MAP3K8: variants seen among roughly 807,000 people sequenced by gnomAD.
The protein encoded by MAP3K8 is Ewing sarcoma transformant.
A neutral mutation model predicts 45.8 loss-of-function variants in MAP3K8; 22 were observed. The ratio of observed to expected loss-of-function variants is 0.48; its 90% CI spans 0.34 to 0.69. The LOEUF is 0.69. Among genes scored for constraint, MAP3K8 ranks in the 30% least tolerant of loss-of-function variants. The pLI is 0.01. For synonymous variants in MAP3K8, 223 were observed against 214.3 expected (o/e 1.04, Z -0.36); for missense variants, 419 against 585.0 (o/e 0.72, Z 2.93).
intron 6 of MAP3K8, among the ~76,000 whole-genome samples, chr10:30,455,589 G>T (rs1836705557): frequency 6.6e-6 from 1 of 152,166 alleles, no homozygotes; most frequent in Non-Finnish European, 1.5e-5. Context: ...TAACAAATCA[G>T]AATTACTTTT....
intron 1 of MAP3K8, among the ~76,000 whole-genome samples, 174 bp from the exon 2 acceptor site, chr10:30,437,002 C>G (rs1835934218): frequency 6.6e-6 from 1 of 151,806 alleles, no homozygotes; most frequent in South Asian, 2.1e-4. Context: ...TAAGAAGTTG[C>G]TCTCCTAACT....
In MAP3K8 at chr10:30,461,060, T is replaced by G; in HGVS notation, c.*224T>G. Reference sequence around the variant, plus strand: ...GTTCTCATTTCTCAGGTGACGTGATTCTAAGGCAGGAATTTGAGAGTTCAC... The same window carrying G: ...GTTCTCATTTCTCAGGTGACGTGATGCTAAGGCAGGAATTTGAGAGTTCAC... On this transcript the variant is annotated 3_prime_UTR_variant, in exon 9 of 9. Transcript: ENST00000263056. 1 of 437,366 alleles carries G rather than the reference T, an allele frequency of 2.3e-6. No homozygotes were observed. The allele number at this position is 437,366 out of a possible 1,614,324, so 27.1% of individuals were successfully genotyped here.
intron 6 of MAP3K8, among the ~76,000 whole-genome samples, chr10:30,454,459 T>C (rs1006559796): frequency 2.2e-4 from 33 of 151,950 alleles, no homozygotes; most frequent in Admixed American, 3.9e-4. Context: ...TCCCAGCTAC[T>C]CAAGAGACTG....
chr10:30,443,354 G>C lies in MAP3K8; in HGVS notation c.336+4080G>C, dbSNP rs1250917727. On this transcript the variant is annotated intron_variant, in intron 3 of 8. Coordinates refer to ENST00000263056, the MANE Select transcript of MAP3K8 (RefSeq NM_005204.4). Reference sequence around the variant, plus strand: ...GAGTGTTAAATGAACTCGAGGCATTGTGGGAGTTACTGTTGTATACAATTG... The same window carrying C: ...GAGTGTTAAATGAACTCGAGGCATTCTGGGAGTTACTGTTGTATACAATTG... Among the ~76,000 whole-genome samples the C allele has an allele frequency of 3.3e-5, 5 of 152,232 alleles. No homozygotes were observed. The East Asian group carries it at 9.6e-4, about 29-fold the overall frequency.
rs1323121748 is a variant in MAP3K8 at position 30,459,388 on chromosome 10, C to A, written c.1160C>A (p.Ala387Asp). Residue 387 changes from alanine to aspartate, a missense_variant, in exon 8 of 9, where the codon GCC becomes GAC. By Grantham distance (126) the Ala-to-Asp change is moderately radical. This residue lies in a region of MAP3K8 where 108 missense variants were observed against 124.2 expected (regional missense o/e 0.87). Transcript: ENST00000263056. ...GCCGCAGACCTACTAAAACATGAGG[C>A]CCTGAACCCGCCCAGAGAGGATCAG... ...PRAADLLKHE[A>D]LNPPREDQPR... The A allele has an allele frequency of 6.2e-7, 1 of 1,614,194 alleles. No homozygotes were observed. Among genetic ancestry groups the A allele is most frequent in the Non-Finnish European group, 8.5e-7 (1 of 1,180,044 alleles).
At chr10:30,445,144 C>T (rs1296541972) in intron 3 of MAP3K8, among the ~76,000 whole-genome samples, 1 of 152,176 alleles carries the variant, frequency 6.6e-6, no homozygotes, top group Non-Finnish European at 1.5e-5. Context: ...CACCTGTAAT[C>T]CCAGCATTTT....
chr10:30,444,012 A>G (rs1476261919), intron 3 of MAP3K8, among the ~76,000 whole-genome samples: 1 of 151,120 alleles, frequency 6.6e-6, no homozygotes, highest in Admixed American at 6.6e-5. Flanking sequence ...ACATAGTGAG[A>G]CCCCCATCTC....
intron 3 of MAP3K8, among the ~76,000 whole-genome samples, chr10:30,445,050 T>C (rs1403895216): frequency 6.6e-6 from 1 of 152,194 alleles, no homozygotes; most frequent in Non-Finnish European, 1.5e-5. Flanking sequence ...ACTCAACAAA[T>C]GGCTGAAATT....
At chr10:30,459,926 T>C (rs1836875139) in intron 8 of MAP3K8, among the ~76,000 whole-genome samples, 1 of 152,060 alleles carries the variant, frequency 6.6e-6, no homozygotes, top group Non-Finnish European at 1.5e-5. Flanking sequence ...CACTGCAACC[T>C]CTGCCTCCCG....
At chr10:30,438,085 T>C (rs1835970610) in intron 2 of MAP3K8, among the ~76,000 whole-genome samples, 2 of 152,252 alleles carry the variant, frequency 1.3e-5, no homozygotes, top group Non-Finnish European at 1.5e-5. Flanking sequence ...TCACTTGGAC[T>C]TGCTTATGAT....
Position 30,439,287 on chromosome 10 carries a change from C to T in MAP3K8, c.336+13C>T. The T allele has an allele frequency of 1.2e-6, 2 of 1,614,056 alleles. No homozygotes were observed. The highest frequency in any genetic ancestry group is 1.7e-6 in the Non-Finnish European group (2 of 1,179,922). ...TTTATTAAACATGGTACGTTTCTTT[C>T]CGATCAGTTGGGTGCTATGTGCTCA... On this transcript the variant is annotated intron_variant, in intron 3 of 8. Coordinates refer to ENST00000263056, the MANE Select transcript of MAP3K8 (RefSeq NM_005204.4).
chr10:30,441,942 G>A (rs1277837762), intron 3 of MAP3K8, among the ~76,000 whole-genome samples: 4 of 152,082 alleles, frequency 2.6e-5, no homozygotes, highest in Non-Finnish European at 4.4e-5. Context: ...TTACTCACTG[G>A]GCTTCATTTG....
Position 30,460,808 on chromosome 10 carries a change from G to C in MAP3K8, c.1376G>C (p.Arg459Pro). 6.2e-7 allele frequency: 1 copy of C among 1,613,726 alleles called. No homozygotes were observed. Among genetic ancestry groups the C allele is most frequent in the Non-Finnish European group, 8.5e-7 (1 of 1,179,980 alleles). The change falls in exon 9 of 9, where the codon CGG becomes CCG. Residue 459 changes from arginine (R) to proline (P), a missense_variant. By Grantham distance (103) the Arg-to-Pro change is moderately radical. This residue lies in a region of MAP3K8 where 108 missense variants were observed against 124.2 expected (regional missense o/e 0.87). Transcript: ENST00000263056. ...GALAGYFNLV[R>P]GPPTLEYG The stretch of plus-strand genomic sequence containing the variant: ...CTGGCTGGCTACTTCAATCTTGTTC[G>C]GGGACCACCAACGCTTGAATATGGC...
intron 5 of MAP3K8, among the ~76,000 whole-genome samples, chr10:30,450,983 T>C: frequency 6.6e-6 from 1 of 150,716 alleles, no homozygotes. Flanking sequence ...TCCCAGCTAC[T>C]TGGGAGGCTG....
At chr10:30,447,454 G>A (rs1242024991) in intron 3 of MAP3K8, among the ~76,000 whole-genome samples, 3 of 152,158 alleles carry the variant, frequency 2.0e-5, no homozygotes, top group South Asian at 2.1e-4. Context: ...TTATATTTAC[G>A]CAATCTTTAT....
chr10:30,453,907 G>GAA (rs1564371890), intron 6 of MAP3K8, among the ~76,000 whole-genome samples: 17 of 100,806 alleles, frequency 1.7e-4, no homozygotes, highest in African/African-American at 5.1e-4. Context: ...AGGGAGGGAG[G>GAA]GAGAGAGAGA....
chr10:30,459,386 G>A lies in MAP3K8; in HGVS notation c.1158G>A (p.Glu386=). 1.2e-6 allele frequency: 2 copies of A among 1,614,104 alleles called. No individual in the cohort carries two copies. Among genetic ancestry groups the A allele is most frequent in the South Asian group, 1.1e-5 (1 of 91,076 alleles). ...GAGCCGCAGACCTACTAAAACATGA[G>A]GCCCTGAACCCGCCCAGAGAGGATC... ...RPRAADLLKH[E]ALNPPREDQP... is the part of the protein sequence containing the mutation. The change falls in exon 8 of 9, where the codon GAG becomes GAA. Residue 386 remains glutamate (E), a synonymous_variant. Coordinates refer to ENST00000263056, the MANE Select transcript of MAP3K8 (RefSeq NM_005204.4).
At chr10:30,458,276 G>GGGA (rs1554774899) in intron 7 of MAP3K8, 40 bp downstream of exon 7, 1 of 1,358,804 alleles carries the variant, frequency 7.4e-7, no homozygotes, top group Admixed American at 2.6e-5. Context: ...GGCGGGGGGG[G>GGGA]GCGTTGAGTT....
intron 3 of MAP3K8, among the ~76,000 whole-genome samples, chr10:30,441,784 A>G (rs1248651815): frequency 6.6e-6 from 1 of 152,196 alleles, no homozygotes; most frequent in Non-Finnish European, 1.5e-5. Context: ...TGGGACTGTC[A>G]TCTCTGATTG....
Sources: allele counts gnomAD v4.1 joint callset (sites outside exome capture counted in the v4.1 genomes callset), GRCh38; gene constraint gnomAD v4.1.1; regional missense constraint gnomAD v4.1.1; transcripts MANE v1.5; gene names NCBI Gene and HGNC (gene_info 2026-07-23, HGNC 2026-07-21).